UBE2QL1: variants seen among roughly 807,000 people sequenced by gnomAD.
The protein encoded by UBE2QL1 is ubiquitin conjugating enzyme E2 QL1.
In UBE2QL1, 5 loss-of-function variants were observed where a neutral mutation model predicts 12.6. The ratio of observed to expected loss-of-function variants is 0.40; its 90% CI spans 0.21 to 0.83. UBE2QL1 has a LOEUF of 0.83. Among genes scored for constraint, UBE2QL1 ranks in the 40% least tolerant of loss-of-function variants. The pLI is 0.37. For synonymous variants in UBE2QL1, 96 were observed against 94.5 expected, an observed-to-expected ratio of 1.02 and a Z score of -0.10; for missense variants, 99 against 222.6, an observed-to-expected ratio of 0.44 and a Z score of 3.53.
At chr5:6,484,247 G>A (rs1734421817) in intron 1 of UBE2QL1, among the ~76,000 whole-genome samples, 1 of 152,180 alleles carries the variant, frequency 6.6e-6, no homozygotes, top group Non-Finnish European at 1.5e-5. Context: ...GAGGGGCAGC[G>A]AGCAGGGAGG....
At chr5:6,488,633 T>TA (rs755570905) in intron 1 of UBE2QL1, among the ~76,000 whole-genome samples, 2 of 151,560 alleles carry the variant, frequency 1.3e-5, no homozygotes, top group Admixed American at 6.6e-5. Context: ...CCTGTCTCTA[T>TA]AAAAAAAATT....
At position 6,469,466 on chromosome 5, in the gene UBE2QL1, G is replaced by A. The variant is rs1739861549; in HGVS notation, c.354+20219G>A. 4.8e-5 allele frequency among the ~76,000 whole-genome samples: 7 copies of A among 147,256 alleles called. No homozygotes were observed. The South Asian group carries it at 1.5e-3, about 32-fold the overall frequency. ...TCTAAGGCTTATATATATAAGCTATGGTGTTGAGCTACAGTGTTCATATTA... is the reference window on the plus strand; with the variant it reads ...TCTAAGGCTTATATATATAAGCTATAGTGTTGAGCTACAGTGTTCATATTA... On this transcript the variant is annotated intron_variant, in intron 1 of 1. Coordinates refer to ENST00000399816, the MANE Select transcript of UBE2QL1 (RefSeq NM_001145161.3).
chr5:6,482,674 C>T (rs1488452004), intron 1 of UBE2QL1, among the ~76,000 whole-genome samples: 2 of 152,174 alleles, frequency 1.3e-5, no homozygotes, highest in South Asian at 2.1e-4. Context: ...TGCCACCACT[C>T]GGGAGAGGGG....
At chr5:6,449,465 G>A (rs909102083) in intron 1 of UBE2QL1, among the ~76,000 whole-genome samples, 1 of 151,926 alleles carries the variant, frequency 6.6e-6, no homozygotes, top group South Asian at 2.1e-4. Flanking sequence ...CGTCTCTCCC[G>A]TCCCCGTCTG....
intron 1 of UBE2QL1, among the ~76,000 whole-genome samples, chr5:6,465,876 C>T (rs965455768): frequency 6.6e-6 from 1 of 152,220 alleles, no homozygotes; most frequent in Non-Finnish European, 1.5e-5. Flanking sequence ...TGCATTTCCA[C>T]GTTTGCTTTT....
At chr5:6,489,275 T>C (rs1170109282) in intron 1 of UBE2QL1, among the ~76,000 whole-genome samples, 1 of 151,618 alleles carries the variant, frequency 6.6e-6, no homozygotes, top group East Asian at 1.9e-4. Flanking sequence ...AAATAAAAAA[T>C]TAGATAAATG....
chr5:6,461,544 C>CG (rs1553987859), intron 1 of UBE2QL1, among the ~76,000 whole-genome samples: 2 of 86,910 alleles, frequency 2.3e-5, no homozygotes, highest in African/African-American at 9.4e-5. Flanking sequence ...GCACCCACCA[C>CG]CCCCCCCCGC....
chr5:6,467,141 C>G (rs931058984), intron 1 of UBE2QL1, among the ~76,000 whole-genome samples: 3 of 152,104 alleles, frequency 2.0e-5, no homozygotes, highest in Admixed American at 6.6e-5. Flanking sequence ...TCATTCTCTT[C>G]CCACAATCTC....
intron 1 of UBE2QL1, among the ~76,000 whole-genome samples, chr5:6,458,283 G>A (rs1579288065): frequency 6.6e-6 from 1 of 152,182 alleles, no homozygotes; most frequent in African/African-American, 2.4e-5. Context: ...AAGGAGCTAA[G>A]GAAATACTGT....
intron 1 of UBE2QL1, among the ~76,000 whole-genome samples, chr5:6,490,592 T>C (rs1734549526): frequency 6.6e-6 from 1 of 152,196 alleles, no homozygotes; most frequent in African/African-American, 2.4e-5. Context: ...TCTTCTTCCA[T>C]GAAAATGTCC....
At position 6,471,721 on chromosome 5, in the gene UBE2QL1, C is replaced by T. The variant is rs773426628; in HGVS notation, c.355-19497C>T. Among the ~76,000 whole-genome samples the T allele has an allele frequency of 3.3e-5, 5 of 152,310 alleles. No individual in the cohort carries two copies. In the East Asian group the frequency reaches 5.8e-4, roughly 18 times the overall value. On this transcript the variant is annotated intron_variant, in intron 1 of 1. Transcript: ENST00000399816. ...CAAACAGGGAGTGAACGCCAGGAAT[C>T]GGAAATCCTTTTGGGACAGCTTAAG...
chr5:6,463,984 T>A lies in UBE2QL1; in HGVS notation c.354+14737T>A, dbSNP rs181795426. 1.7e-4 allele frequency among the ~76,000 whole-genome samples: 26 copies of A among 151,354 alleles called. No individual in the cohort carries two copies. In the East Asian group the frequency reaches 2.9e-3, roughly 17 times the overall value. On this transcript the variant is annotated intron_variant, in intron 1 of 1. Coordinates refer to ENST00000399816, the MANE Select transcript of UBE2QL1 (RefSeq NM_001145161.3). Reference sequence around the variant, plus strand: ...AGATTATTCTAAGAGATTTTTTTTTTAATTTGAGACAGAGTTTCACTCTTT... The same window carrying A: ...AGATTATTCTAAGAGATTTTTTTTTAAATTTGAGACAGAGTTTCACTCTTT...
chr5:6,491,239 G>A lies in UBE2QL1; in HGVS notation c.376G>A (p.Gly126Ser). Residue 126 changes from glycine to serine, a missense_variant, in exon 2 of 2, where the codon GGC becomes AGC. By Grantham distance (56) the Gly-to-Ser change is moderately conservative. Coordinates refer to ENST00000399816, the MANE Select transcript of UBE2QL1 (RefSeq NM_001145161.3). ...GCAGGGACGGATCTGTAGAAAAGCT[G>A]GCAAATCAAAAAAGTCCTTCAGTCG... ...KGQGRICRKA[G>S]KSKKSFSRKE... is the part of the protein sequence containing the mutation. 1 of 1,550,914 alleles carries A rather than the reference G, an allele frequency of 6.4e-7. No individual in the cohort carries two copies. Among genetic ancestry groups the A allele is most frequent in the Non-Finnish European group, 8.7e-7 (1 of 1,146,682 alleles).
Position 6,448,996 on chromosome 5 carries a change from G to A in UBE2QL1, c.103G>A (p.Asp35Asn), listed in dbSNP as rs1488781198. 6.5e-7 allele frequency: 1 copy of A among 1,550,202 alleles called. No individual in the cohort carries two copies. Among genetic ancestry groups the A allele is most frequent in the East Asian group, 2.5e-5 (1 of 40,812 alleles). The change falls in exon 1 of 2, where the codon GAC becomes AAC. Residue 35 changes from aspartate to asparagine, a missense_variant. Coordinates refer to ENST00000399816, the MANE Select transcript of UBE2QL1 (RefSeq NM_001145161.3). Reference protein sequence around the residue: ...FDWNVKLHQVDKDSVLWQDMK... With the variant: ...FDWNVKLHQVNKDSVLWQDMK... ...CTGGAACGTGAAGCTGCACCAGGTG[G>A]ACAAGGACTCGGTGCTGTGGCAGGA...
Position 6,449,875 on chromosome 5 carries a change from C to CCG in UBE2QL1, c.354+629_354+630insGC, listed in dbSNP as rs1553987107. The stretch of plus-strand genomic sequence containing the variant: ...TGATCTCCCACCTCCCCAACCCCCC[C>CCG]CACACACACACACACAAGGCTCCTC... On this transcript the variant is annotated intron_variant, in intron 1 of 1. Coordinates refer to ENST00000399816, the MANE Select transcript of UBE2QL1 (RefSeq NM_001145161.3). Among the ~76,000 whole-genome samples the CCG allele has an allele frequency of 7.0e-3, 1,032 of 147,980 alleles. 54 individuals are homozygous for CCG. The highest frequency in any genetic ancestry group is 0.025 in the African/African-American group (990 of 39,322).
Position 6,476,564 on chromosome 5 carries a change from A to G in UBE2QL1, c.355-14654A>G, listed in dbSNP as rs930417770. Among the ~76,000 whole-genome samples, 1 of 152,160 alleles carries G rather than the reference A, an allele frequency of 6.6e-6. No individual in the cohort carries two copies. The highest frequency in any genetic ancestry group is 1.9e-4 in the East Asian group (1 of 5,180). On this transcript the variant is annotated intron_variant, in intron 1 of 1. Coordinates refer to ENST00000399816, the MANE Select transcript of UBE2QL1 (RefSeq NM_001145161.3). The surrounding 1 kb of genome is among the most constrained non-coding windows in gnomAD (Gnocchi z 4.9). ...CTGGGGGGCTCGGTTAAAGAGCCAC[A>G]TGCGGCACCCCTCAGGTGTACACTA...
intron 1 of UBE2QL1, among the ~76,000 whole-genome samples, chr5:6,461,888 C>T (rs912718667): frequency 2.6e-5 from 4 of 152,200 alleles, no homozygotes; most frequent in African/African-American, 4.8e-5. Context: ...CAGGTTCCCA[C>T]TGGTTTCCCA....
intron 1 of UBE2QL1, among the ~76,000 whole-genome samples, chr5:6,488,682 A>T (rs6891414): frequency 0.19 from 29,426 of 151,750 alleles, 6,290 homozygotes; most frequent in African/African-American, 0.53. Flanking sequence ...TGCCTGTAGC[A>T]CCAACTACCT....
intron 1 of UBE2QL1, among the ~76,000 whole-genome samples, chr5:6,454,899 C>T (rs1739487223): frequency 6.6e-6 from 1 of 152,000 alleles, no homozygotes. Flanking sequence ...CTGGACTGTT[C>T]AGAGGAAAAA....
Sources: gnomAD v4.1 joint callset for allele counts (sites outside exome capture counted in the v4.1 genomes callset) on GRCh38, gnomAD v4.1.1 for gene constraint, Gnocchi (gnomAD v3.1) non-coding constraint, MANE v1.5 for transcripts, NCBI Gene and HGNC (gene_info 2026-07-23, HGNC 2026-07-21) for gene names.